Variants in AMTN observed in about 807,000 individuals in gnomAD.
AMTN encodes the protein amelotin, also known as RSTI689.
AMTN carries 29 observed loss-of-function variants against 27.4 expected under a neutral mutation model. That is an observed-to-expected ratio of 1.06 (90% CI 0.79 to 1.44). The LOEUF (loss-of-function observed/expected upper bound fraction) is 1.44, where lower values mean the gene tolerates loss of function less well. Among genes scored for constraint, AMTN ranks in the 40% most tolerant of loss-of-function variants. The pLI, the probability that AMTN is intolerant of heterozygous loss-of-function variation, is 0.00. For synonymous variants in AMTN, 86 were observed against 95.7 expected, an observed-to-expected ratio of 0.90 and a Z score of 0.59; for missense variants, 247 against 248.8, an observed-to-expected ratio of 0.99 and a Z score of 0.05.
Position 70,528,888 on chromosome 4 carries a change from C to A in AMTN, c.330+130C>A. On this transcript the variant is annotated intron_variant, in intron 6 of 8. Transcript: ENST00000339336. The stretch of plus-strand genomic sequence containing the variant: ...TGTACTGTATGGACACTGATAATCA[C>A]AAGAGCTTGCTTTCTGCATAAGTTT... 4 of 757,228 alleles carry A rather than the reference C, an allele frequency of 5.3e-6. No individual in the cohort carries two copies. In the African/African-American group the frequency reaches 7.3e-5, roughly 14 times the overall value. 46.9% of individuals were successfully genotyped at this position (757,228 alleles called of 1,614,324 possible).
At chr4:70,529,665 T>C (rs1736173997) in intron 7 of AMTN, among the ~76,000 whole-genome samples, 1 of 152,208 alleles carries the variant, frequency 6.6e-6, no homozygotes, top group African/African-American at 2.4e-5. Flanking sequence ...CCTACACACA[T>C]AAATAATTGG....
At chr4:70,527,900 G>A (rs949535820) in intron 5 of AMTN, among the ~76,000 whole-genome samples, 31 of 152,058 alleles carry the variant, frequency 2.0e-4, no homozygotes, top group African/African-American at 4.1e-4. Flanking sequence ...ATTATTTCTC[G>A]CCTAGTACTA....
At chr4:70,520,500 A>C (rs1215631842) in intron 2 of AMTN, among the ~76,000 whole-genome samples, 1 of 152,236 alleles carries the variant, frequency 6.6e-6, no homozygotes, top group African/African-American at 2.4e-5. Flanking sequence ...AATACAAGAC[A>C]AATCAAATTT....
chr4:70,523,940 G>T lies in AMTN; in HGVS notation c.204+7G>T. The T allele has an allele frequency of 6.2e-7, 1 of 1,609,024 alleles. No individual in the cohort carries two copies. Among genetic ancestry groups the T allele is most frequent in the Non-Finnish European group, 8.5e-7 (1 of 1,175,746 alleles). On this transcript the variant is annotated splice_region_variant and intron_variant, in intron 4 of 8. Coordinates refer to ENST00000339336, the MANE Select transcript of AMTN (RefSeq NM_212557.4). ...GGGGCCAGATCTGCATCTGGTAAGT[G>T]ATTGTTTATATTATTTTAATACCCA...
At chr4:70,521,638 C>CTTTTTT (rs1560572106) in intron 2 of AMTN, among the ~76,000 whole-genome samples, 2 of 78,974 alleles carry the variant, frequency 2.5e-5, no homozygotes, top group African/African-American at 5.0e-5. Context: ...ATACCAACCT[C>CTTTTTT]TCTTTTTTTT....
intron 4 of AMTN, among the ~76,000 whole-genome samples, 188 bp from the exon 5 acceptor site, chr4:70,524,684 C>T (rs62324590): frequency 0.12 from 17,706 of 152,188 alleles, 1,273 homozygotes; most frequent in Middle Eastern, 0.23. Flanking sequence ...CCCTTGTAGT[C>T]GTACAAGCAG....
chr4:70,528,501 T>C (rs1736146151), intron 5 of AMTN, among the ~76,000 whole-genome samples: 1 of 151,920 alleles, frequency 6.6e-6, no homozygotes, highest in Non-Finnish European at 1.5e-5. Flanking sequence ...ATATAAAAAA[T>C]TAACTGGGCA....
intron 6 of AMTN, 56 bp from the exon 7 acceptor site, chr4:70,529,128 T>G (rs1481601991): frequency 1.4e-6 from 2 of 1,385,334 alleles, no homozygotes; most frequent in Non-Finnish European, 2.0e-6. Context: ...ATACATATAT[T>G]ACTACAAATA....
intron 2 of AMTN, among the ~76,000 whole-genome samples, chr4:70,519,299 C>G (rs1412460640): frequency 1.3e-5 from 2 of 152,022 alleles, no homozygotes; most frequent in African/African-American, 2.4e-5. Flanking sequence ...TTAAAATGAT[C>G]AAAATTTTTG....
At chr4:70,528,043 C>T (rs1464779162) in intron 5 of AMTN, among the ~76,000 whole-genome samples, 1 of 152,106 alleles carries the variant, frequency 6.6e-6, no homozygotes, top group African/African-American at 2.4e-5. Flanking sequence ...TGAAAATACC[C>T]ATCGCGTGTT....
rs1242063360 is a variant in AMTN at position 70,531,023 on chromosome 4, G to A, written c.358-16G>A. On this transcript the variant is annotated splice_polypyrimidine_tract_variant and intron_variant, in intron 7 of 8. Coordinates refer to ENST00000339336, the MANE Select transcript of AMTN (RefSeq NM_212557.4). ...TTGCTTTTAACTTTGTTTTCTGTTT[G>A]CTTCCCTCATTCCAGCCACAAATCT... 1.2e-6 allele frequency: 2 copies of A among 1,612,310 alleles called. No individual in the cohort carries two copies. Among genetic ancestry groups the A allele is most frequent in the African/African-American group, 2.7e-5 (2 of 74,846 alleles).
intron 3 of AMTN, 88 bp from the exon 4 acceptor site, chr4:70,523,780 C>G (rs3912756): frequency 0.18 from 201,644 of 1,149,324 alleles, 20,904 homozygotes; most frequent in African/African-American, 0.42. Context: ...TCTGACAGGA[C>G]TGTCAATTAC....
chr4:70,523,837 T>C, intron 3 of AMTN, 31 bp from the exon 4 acceptor site: 2 of 1,593,190 alleles, frequency 1.3e-6, no homozygotes, highest in Non-Finnish European at 1.7e-6. Flanking sequence ...GACAACCTCT[T>C]GTCTCATACA....
chr4:70,522,689 T>A, intron 2 of AMTN, 66 bp from the exon 3 acceptor site: 1 of 1,499,488 alleles, frequency 6.7e-7, no homozygotes. Flanking sequence ...GCAACCTGGA[T>A]ATAAATGGAC....
chr4:70,529,693 T>C lies in AMTN; in HGVS notation c.357+483T>C, dbSNP rs540871526. On this transcript the variant is annotated intron_variant, in intron 7 of 8. Coordinates refer to ENST00000339336, the MANE Select transcript of AMTN (RefSeq NM_212557.4). ...ATAATTGGAGGGCTGTACCTAAATA[T>C]AGTTCATATCACCATTGCTAAACAC... Among the ~76,000 whole-genome samples, 27 of 152,312 alleles carry C rather than the reference T, an allele frequency of 1.8e-4. 1 individual carries two copies. In the South Asian group the frequency reaches 5.6e-3, roughly 32 times the overall value.
At chr4:70,531,719 C>G (rs1208285293) in intron 8 of AMTN, among the ~76,000 whole-genome samples, 1 of 152,200 alleles carries the variant, frequency 6.6e-6, no homozygotes, top group Non-Finnish European at 1.5e-5. Flanking sequence ...ACCATGTTGA[C>G]CAGGCTGGTC....
chr4:70,522,565 C>G (rs886992004), intron 2 of AMTN, among the ~76,000 whole-genome samples, 190 bp from the exon 3 acceptor site: 2 of 152,172 alleles, frequency 1.3e-5, no homozygotes, highest in South Asian at 2.1e-4. Flanking sequence ...CATCCCACCC[C>G]TCCTGGGCTG....
At chr4:70,526,360 T>C (rs552725774) in intron 5 of AMTN, among the ~76,000 whole-genome samples, 140 of 152,320 alleles carry the variant, frequency 9.2e-4, no homozygotes, top group African/African-American at 3.0e-3. Flanking sequence ...TAGTAGTCCA[T>C]GGTATACTAA....
chr4:70,529,035 T>C, intron 6 of AMTN, 149 bp from the exon 7 acceptor site: 1 of 699,360 alleles, frequency 1.4e-6, no homozygotes, highest in East Asian at 3.1e-5. Context: ...TTTTGTAATA[T>C]AGATCATAAG....
Sources: allele counts gnomAD v4.1 joint callset (sites outside exome capture counted in the v4.1 genomes callset), GRCh38; gene constraint gnomAD v4.1.1; transcripts MANE v1.5; gene names NCBI Gene and HGNC (gene_info 2026-07-23, HGNC 2026-07-21).